PCDHGA6: variants seen among roughly 807,000 people sequenced by gnomAD.
The protein encoded by PCDHGA6 is protocadherin gamma-A6.
In PCDHGA6, 41 loss-of-function variants were observed where a neutral mutation model predicts 60.6. The ratio of observed to expected loss-of-function variants is 0.68; its 90% CI spans 0.53 to 0.88. The LOEUF is 0.88. PCDHGA6 is among the 40% of genes least tolerant of loss of function. The pLI is 0.00. For missense variants in PCDHGA6, 1,312 were observed against 1,203.0 expected, an observed-to-expected ratio of 1.09 and a Z score of -1.34; for synonymous variants, 594 against 524.4, an observed-to-expected ratio of 1.13 and a Z score of -1.81.
In PCDHGA6 at chr5:141,402,880, A is replaced by T; in HGVS notation, c.2424+26373A>T. The T allele has an allele frequency of 1.4e-6, 2 of 1,474,944 alleles. 1 individual carries two copies. The highest frequency in any genetic ancestry group is 2.9e-5 in the South Asian group (2 of 68,686). 91.4% of individuals were successfully genotyped at this position (1,474,944 alleles called of 1,614,324 possible). On this transcript the variant is annotated intron_variant, in intron 1 of 3. Coordinates refer to ENST00000517434, the MANE Select transcript of PCDHGA6 (RefSeq NM_018919.3). ...TAAGGAAAAGATCACCATACTTTGCAGGGTGGAAGAAAGAACCTGATGAAG... is the reference window on the plus strand; with the variant it reads ...TAAGGAAAAGATCACCATACTTTGCTGGGTGGAAGAAAGAACCTGATGAAG...
chr5:141,502,535 G>A (rs910160644), intron 2 of PCDHGA6, among the ~76,000 whole-genome samples: 14 of 152,172 alleles, frequency 9.2e-5, no homozygotes, highest in South Asian at 2.1e-4. Flanking sequence ...GAGTTTGTTC[G>A]TGTGGTAAAA....
At chr5:141,464,931 G>T (rs2099093694) in intron 1 of PCDHGA6, among the ~76,000 whole-genome samples, 1 of 151,942 alleles carries the variant, frequency 6.6e-6, no homozygotes, top group Non-Finnish European at 1.5e-5. Context: ...GTAGAGATGT[G>T]AGGTCTCACT....
At chr5:141,467,460 T>G (rs1354012953) in intron 1 of PCDHGA6, among the ~76,000 whole-genome samples, 1 of 152,246 alleles carries the variant, frequency 6.6e-6, no homozygotes. Context: ...CCAGTGCTAG[T>G]ACTTGCATGG....
chr5:141,474,518 G>T (rs1054372142), intron 1 of PCDHGA6, among the ~76,000 whole-genome samples: 1 of 152,168 alleles, frequency 6.6e-6, no homozygotes, highest in African/African-American at 2.4e-5. Context: ...CCTCTTGCTG[G>T]TCTGGCTAAT....
In PCDHGA6 at chr5:141,374,401, T is replaced by C; in HGVS notation, c.318T>C (p.Phe106=). Residue 106 remains phenylalanine, a synonymous_variant, in exon 1 of 4, where the codon TTT becomes TTC. Transcript: ENST00000517434. ...CAQSPRCLVS[F]NILVEDKLNL... ...AGAGCCCGCGGTGTCTGGTGAGTTT[T>C]AACATCCTTGTCGAGGATAAACTGA... The C allele has an allele frequency of 4.3e-6, 7 of 1,614,060 alleles. No individual in the cohort carries two copies. Among genetic ancestry groups the C allele is most frequent in the Non-Finnish European group, 5.1e-6 (6 of 1,179,900 alleles).
intron 1 of PCDHGA6, chr5:141,388,778 A>T (rs2091485337): frequency 1.9e-6 from 3 of 1,613,826 alleles, no homozygotes. Context: ...ACACCGGGGA[A>T]ATTACTGTTT....
At chr5:141,496,734 G>A (rs527288196) in intron 2 of PCDHGA6, among the ~76,000 whole-genome samples, 4 of 152,066 alleles carry the variant, frequency 2.6e-5, no homozygotes, top group Non-Finnish European at 4.4e-5. Flanking sequence ...GTATTCATTC[G>A]TTCATTTATT....
At chr5:141,480,763 A>G (rs541754723) in intron 1 of PCDHGA6, among the ~76,000 whole-genome samples, 1 of 152,308 alleles carries the variant, frequency 6.6e-6, no homozygotes, top group East Asian at 1.9e-4. Flanking sequence ...GAAGGTCCCC[A>G]CTTGATCCTA....
chr5:141,450,826 A>ATTTT (rs764729742), intron 1 of PCDHGA6, among the ~76,000 whole-genome samples: 5 of 134,360 alleles, frequency 3.7e-5, no homozygotes, highest in East Asian at 2.1e-4. Flanking sequence ...TATTATTATT[A>ATTTT]TTATTTTTTT....
chr5:141,494,680 C>G (rs552351026), intron 1 of PCDHGA6, 127 bp from the exon 2 acceptor site: 2 of 1,560,096 alleles, frequency 1.3e-6, no homozygotes, highest in East Asian at 4.6e-5. Context: ...CCACCCCTGC[C>G]CCCTCTTAGT....
rs1193417991 is a variant in PCDHGA6 at position 141,491,413 on chromosome 5, G to C, written c.2425-3394G>C. 5.0e-6 allele frequency: 8 copies of C among 1,613,946 alleles called. No individual in the cohort carries two copies. Among genetic ancestry groups the C allele is most frequent in the African/African-American group, 1.3e-5 (1 of 74,906 alleles). ...CCTTCAGGGAAACGCAGACGGGGAC[G>C]GGGGTGGAGGGCAGTGCTGCAGGCG... On this transcript the variant is annotated intron_variant, in intron 1 of 3. Transcript: ENST00000517434. The surrounding 1 kb of genome is among the most constrained non-coding windows in gnomAD (Gnocchi z 6.9).
Position 141,409,527 on chromosome 5 carries a change from T to A in PCDHGA6, c.2424+33020T>A. 1 of 1,613,970 alleles carries A rather than the reference T, an allele frequency of 6.2e-7. No homozygotes were observed. Among genetic ancestry groups the A allele is most frequent in the South Asian group, 1.1e-5 (1 of 91,084 alleles). ...TCCAGTAGAAGCATCACCTTGTATGTCGCTGACATCAACGACAACGCCCCA... is the reference window on the plus strand; with the variant it reads ...TCCAGTAGAAGCATCACCTTGTATGACGCTGACATCAACGACAACGCCCCA... On this transcript the variant is annotated intron_variant, in intron 1 of 3. Coordinates refer to ENST00000517434, the MANE Select transcript of PCDHGA6 (RefSeq NM_018919.3).
rs1345800081 is a variant in PCDHGA6, at chr5:141,485,453, G to A, written c.2425-9354G>A. 1 of 1,614,176 alleles carries A rather than the reference G, an allele frequency of 6.2e-7. No homozygotes were observed. The highest frequency in any genetic ancestry group is 8.5e-7 in the Non-Finnish European group (1 of 1,180,036). On this transcript the variant is annotated intron_variant, in intron 1 of 3. Transcript: ENST00000517434. The surrounding 1 kb of genome is among the most constrained non-coding windows in gnomAD (Gnocchi z 5.7). ...CATCAAGAACCCAATCGACCGAGAG[G>A]CACTGTGTGGGCTCAGTGCCAGCTG...
At position 141,374,849 on chromosome 5, in the gene PCDHGA6, C is replaced by T; in HGVS notation, c.766C>T (p.Pro256Ser). 1 of 1,613,754 alleles carries T rather than the reference C, an allele frequency of 6.2e-7. No individual in the cohort carries two copies. Among genetic ancestry groups the T allele is most frequent in the Non-Finnish European group, 8.5e-7 (1 of 1,179,892 alleles). Reference sequence around the variant, plus strand: ...CCGTGTAAGTGTTCCTGAAAACCTGCCAGTAGGCACACCAGTGTTGGCAGT... The same window carrying T: ...CCGTGTAAGTGTTCCTGAAAACCTGTCAGTAGGCACACCAGTGTTGGCAGT... ...VYRVSVPENL[P>S]VGTPVLAVTA... is the part of the protein sequence containing the mutation. Residue 256 changes from proline to serine, a missense_variant, in exon 1 of 4, where the codon CCA becomes TCA. Pro to Ser is a moderately conservative substitution (Grantham distance 74). Coordinates refer to ENST00000517434, the MANE Select transcript of PCDHGA6 (RefSeq NM_018919.3).
At chr5:141,383,300 T>C in intron 1 of PCDHGA6, 1 of 1,613,968 alleles carries the variant, frequency 6.2e-7, no homozygotes, top group Non-Finnish European at 8.5e-7. Context: ...CCAAGATTCT[T>C]GACGGAAGAA....
At chr5:141,460,453 A>G (rs1487816393) in intron 1 of PCDHGA6, among the ~76,000 whole-genome samples, 1 of 152,152 alleles carries the variant, frequency 6.6e-6, no homozygotes, top group Non-Finnish European at 1.5e-5. Flanking sequence ...ATGAAGATTC[A>G]TATTTTTTTC....
rs934366037 is a variant in PCDHGA6, at chr5:141,408,906, C to T, written c.2424+32399C>T. On this transcript the variant is annotated intron_variant, in intron 1 of 3. Transcript: ENST00000517434. Reference sequence around the variant, plus strand: ...CACATAGAAATTTCTGTCAAGGATACCAATGATAACCCCCCGGTTTTCAGC... The same window carrying T: ...CACATAGAAATTTCTGTCAAGGATATCAATGATAACCCCCCGGTTTTCAGC... 2.5e-6 allele frequency: 4 copies of T among 1,613,136 alleles called. No homozygotes were observed. The African/African-American group carries it at 4.0e-5, about 16-fold the overall frequency.
Position 141,374,160 on chromosome 5 carries a change from C to T in PCDHGA6, c.77C>T (p.Ala26Val). 6.2e-7 allele frequency: 1 copy of T among 1,612,164 alleles called. No homozygotes were observed. Among genetic ancestry groups the T allele is most frequent in the Non-Finnish European group, 8.5e-7 (1 of 1,178,928 alleles). ...LLTLLGTLWG[A>V]AAAQIRYSIP... ...ACGCTCCTGGGGACGCTGTGGGGGG[C>T]CGCGGCAGCGCAGATCCGCTACTCT... The change falls in exon 1 of 4, where the codon GCC becomes GTC. Residue 26 changes from alanine (A) to valine (V), a missense_variant. Physicochemically the swap from Ala to Val is moderately conservative, Grantham distance 64. Transcript: ENST00000517434.
chr5:141,477,710 GA>G lies in PCDHGA6; in HGVS notation c.2425-17095del. ...GCCCCTAGACTATGAGGATCGGCGG[GA>G]ATTTGAATTAACAGCTCATATCAGC... On this transcript the variant is annotated intron_variant, in intron 1 of 3. Coordinates refer to ENST00000517434, the MANE Select transcript of PCDHGA6 (RefSeq NM_018919.3). This position sits in a 1 kb window ranked among gnomAD's most constrained non-coding sequence, Gnocchi z 4.9. 2 of 1,613,918 alleles carry G rather than the reference GA, an allele frequency of 1.2e-6. No individual in the cohort carries two copies. Among genetic ancestry groups the G allele is most frequent in the Non-Finnish European group, 1.7e-6 (2 of 1,180,044 alleles).
Sources: allele counts gnomAD v4.1 joint callset (sites outside exome capture counted in the v4.1 genomes callset), GRCh38; gene constraint gnomAD v4.1.1; non-coding constraint Gnocchi (gnomAD v3.1); transcripts MANE v1.5; gene names NCBI Gene and HGNC (gene_info 2026-07-23, HGNC 2026-07-21).